Variants in RSRC1 observed in about 807,000 individuals in gnomAD.
RSRC1 encodes arginine and serine rich coiled-coil 1.
Under a neutral mutation model 49.1 loss-of-function variants are expected in RSRC1, and 39 were observed. The ratio of observed to expected loss-of-function variants is 0.79; its 90% CI spans 0.61 to 1.04. RSRC1 has a LOEUF of 1.04. RSRC1 is among the 50% of genes least tolerant of loss of function. RSRC1 has a pLI of 0.00. For synonymous variants in RSRC1, 143 were observed against 130.8 expected (o/e 1.09, Z -0.63); for missense variants, 388 against 402.4 (o/e 0.96, Z 0.31).
At chr3:158,288,212 G>A (rs548600850) in intron 4 of RSRC1, among the ~76,000 whole-genome samples, 11 of 152,142 alleles carry the variant, frequency 7.2e-5, no homozygotes, top group African/African-American at 1.9e-4. Flanking sequence ...CACTCTTCGC[G>A]CCTCCTCTTT....
At chr3:158,163,678 A>G (rs1718371831) in intron 3 of RSRC1, among the ~76,000 whole-genome samples, 1 of 152,080 alleles carries the variant, frequency 6.6e-6, no homozygotes, top group African/African-American at 2.4e-5. Flanking sequence ...GTCAAGGAGT[A>G]CATCATACAC....
intron 5 of RSRC1, among the ~76,000 whole-genome samples, chr3:158,321,712 G>A (rs1355399718): frequency 6.6e-6 from 1 of 151,906 alleles, no homozygotes; most frequent in Admixed American, 6.6e-5. Flanking sequence ...CCTAACAGAA[G>A]TTATCAAGGA....
rs141091965 is a variant in RSRC1, at chr3:158,369,464, G to T, written c.583+14556G>T. Among the ~76,000 whole-genome samples the T allele has an allele frequency of 7.2e-5, 11 of 152,096 alleles. No homozygotes were observed. The East Asian group carries it at 2.1e-3, about 29-fold the overall frequency. ...TGTAAAAATGGTTCATGACAGATGT[G>T]GCTGAAAAGACCACATACGTAGACT... On this transcript the variant is annotated intron_variant, in intron 6 of 9. Transcript: ENST00000611884.
At chr3:158,536,129 CG>C (rs1712700140) in intron 7 of RSRC1, among the ~76,000 whole-genome samples, 1 of 151,412 alleles carries the variant, frequency 6.6e-6, no homozygotes, top group African/African-American at 2.4e-5. Flanking sequence ...AAGTAGGAAA[CG>C]TGCATCCTGA....
chr3:158,341,557 A>T (rs192117583), intron 5 of RSRC1, among the ~76,000 whole-genome samples: 3 of 152,288 alleles, frequency 2.0e-5, no homozygotes, highest in Non-Finnish European at 4.4e-5. Flanking sequence ...ATTTCAGGAG[A>T]TGTTTGGAAA....
intron 6 of RSRC1, among the ~76,000 whole-genome samples, chr3:158,429,310 C>T (rs75446988): frequency 0.2 from 29,626 of 148,264 alleles, 3,009 homozygotes; most frequent in Non-Finnish European, 0.26. Flanking sequence ...ATTAACTCTC[C>T]GTCAGTTAAC....
At chr3:158,133,934 C>T (rs1716195556) in intron 3 of RSRC1, among the ~76,000 whole-genome samples, 1 of 151,998 alleles carries the variant, frequency 6.6e-6, no homozygotes, top group South Asian at 2.1e-4. Flanking sequence ...GTTATGGAGT[C>T]CAGAAAGACG....
intron 3 of RSRC1, among the ~76,000 whole-genome samples, chr3:158,170,966 GA>G (rs1010057713): frequency 2.6e-5 from 4 of 152,066 alleles, no homozygotes; most frequent in African/African-American, 9.7e-5. Context: ...CAGACTCCAA[GA>G]AAAAACCATC....
At chr3:158,307,140 G>GC (rs966327894) in intron 5 of RSRC1, among the ~76,000 whole-genome samples, 2 of 150,690 alleles carry the variant, frequency 1.3e-5, no homozygotes, top group Non-Finnish European at 3.0e-5. Flanking sequence ...AGGTTTGTTT[G>GC]TTTTTTTTAC....
chr3:158,345,773 G>GTA (rs1282836307), intron 5 of RSRC1, among the ~76,000 whole-genome samples: 1 of 123,916 alleles, frequency 8.1e-6, no homozygotes, highest in Admixed American at 8.8e-5. Context: ...ATATGTGTGT[G>GTA]TGTATATATA....
intron 7 of RSRC1, among the ~76,000 whole-genome samples, chr3:158,517,755 ATTTTTTTTTTTTT>A (rs766129663): frequency 8.8e-4 from 31 of 35,186 alleles, no homozygotes; most frequent in African/African-American, 2.1e-3. Context: ...CACCCAGCTA[ATTTTTTTTTTTTT>A]TTTTTTTTTT....
chr3:158,419,776 C>T (rs1734937754), intron 6 of RSRC1, among the ~76,000 whole-genome samples: 1 of 149,532 alleles, frequency 6.7e-6, no homozygotes, highest in African/African-American at 2.5e-5. Flanking sequence ...ATTCTAAAAA[C>T]TCAGAGATAT....
chr3:158,194,733 A>C (rs529427415), intron 3 of RSRC1, among the ~76,000 whole-genome samples: 2 of 142,210 alleles, frequency 1.4e-5, no homozygotes, highest in Non-Finnish European at 3.0e-5. Flanking sequence ...ACCTATGAGT[A>C]AGAACATGTG....
At chr3:158,535,585 C>A (rs1383723899) in intron 7 of RSRC1, among the ~76,000 whole-genome samples, 3 of 151,248 alleles carry the variant, frequency 2.0e-5, no homozygotes, top group Non-Finnish European at 4.4e-5. Flanking sequence ...AGCCTGGATT[C>A]TTTGGAGAAA....
intron 8 of RSRC1, among the ~76,000 whole-genome samples, chr3:158,541,743 G>GT (rs200251538): frequency 0.014 from 2,121 of 151,090 alleles, 50 homozygotes; most frequent in African/African-American, 0.049. Flanking sequence ...TATTCATCTT[G>GT]TTTTTTTTTA....
chr3:158,203,960 T>G (rs566946709), intron 4 of RSRC1, among the ~76,000 whole-genome samples: 2 of 152,312 alleles, frequency 1.3e-5, no homozygotes, highest in South Asian at 4.1e-4. Context: ...CTTGTTTGTT[T>G]TATTCAAAAT....
intron 6 of RSRC1, among the ~76,000 whole-genome samples, chr3:158,415,598 A>C (rs1422554949): frequency 6.6e-6 from 1 of 152,044 alleles, no homozygotes; most frequent in Non-Finnish European, 1.5e-5. Context: ...AATAATATAG[A>C]ATAATTCAGT....
At chr3:158,298,121 T>G in intron 5 of RSRC1, 46 bp downstream of exon 5, 2 of 1,388,016 alleles carry the variant, frequency 1.4e-6, no homozygotes, top group Non-Finnish European at 2.0e-6. Context: ...CTTTGATATC[T>G]GCATTCTAAA....
chr3:158,155,341 G>A (rs1578142220), intron 3 of RSRC1, among the ~76,000 whole-genome samples: 1 of 152,198 alleles, frequency 6.6e-6, no homozygotes, highest in Non-Finnish European at 1.5e-5. Flanking sequence ...CAGAATGAAT[G>A]TGGTGTTAGC....
Sources: gnomAD v4.1 joint callset for allele counts (sites outside exome capture counted in the v4.1 genomes callset) on GRCh38, gnomAD v4.1.1 for gene constraint, MANE v1.5 for transcripts, NCBI Gene and HGNC (gene_info 2026-07-23, HGNC 2026-07-21) for gene names.